The following ARID5B variants were observed in gnomAD, a reference collection of about 807,000 sequenced individuals.
ARID5B encodes AT-rich interaction domain 5B.
Under a neutral mutation model 97.2 loss-of-function variants are expected in ARID5B, and 13 were observed. The observed-to-expected ratio is 0.13, with a 90% confidence interval of 0.09 to 0.21. The LOEUF (loss-of-function observed/expected upper bound fraction) is 0.21. Ranked by LOEUF, ARID5B falls within the 10% of genes least tolerant of loss-of-function variation. The probability of loss-of-function intolerance (pLI) is 1.00; values close to 1 mark genes in which losing one functional copy is unlikely to be tolerated. For missense variants in ARID5B, 1,210 were observed against 1,465.3 expected (o/e 0.83, Z 2.84); for synonymous variants, 556 against 570.3 (o/e 0.97, Z 0.36).
In ARID5B at chr10:62,000,221, G is replaced by A; in HGVS notation, c.633G>A (p.Gly211=). 4 of 1,613,992 alleles carry A rather than the reference G, an allele frequency of 2.5e-6. No individual in the cohort carries two copies. Among genetic ancestry groups the A allele is most frequent in the East Asian group, 4.5e-5 (2 of 44,850 alleles). The change falls in exon 4 of 10, where the codon GGG becomes GGA. Residue 211 remains glycine, a synonymous_variant. Coordinates refer to ENST00000279873, the MANE Select transcript of ARID5B (RefSeq NM_032199.3). This position sits in a 1 kb window ranked among gnomAD's most constrained non-coding sequence, Gnocchi z 4.4. Reference sequence around the variant, plus strand: ...CGGACCAGTTTGCATTGGCCCTGGGGGGCATTGCAGTGGTCAGCAGGAACC... The same window carrying A: ...CGGACCAGTTTGCATTGGCCCTGGGAGGCATTGCAGTGGTCAGCAGGAACC... ...ILTDQFALAL[G]GIAVVSRNPQ...
intron 4 of ARID5B, among the ~76,000 whole-genome samples, chr10:62,025,801 G>A (rs1296154342): frequency 1.4e-5 from 2 of 143,718 alleles, no homozygotes; most frequent in East Asian, 4.0e-4. Flanking sequence ...GCCAGAGGTG[G>A]AGTGGAAGCG....
chr10:62,087,750 T>C (rs544232341), intron 9 of ARID5B, among the ~76,000 whole-genome samples: 1 of 152,150 alleles, frequency 6.6e-6, no homozygotes, highest in Non-Finnish European at 1.5e-5. Flanking sequence ...GACTCTTACA[T>C]AAGAAAATAG....
At chr10:61,945,300 C>A (rs1589229495) in intron 3 of ARID5B, among the ~76,000 whole-genome samples, 1 of 151,750 alleles carries the variant, frequency 6.6e-6, no homozygotes, top group East Asian at 1.9e-4. Context: ...AGAGAAATAA[C>A]TTTTATTAAT....
chr10:62,063,307 G>A (rs1839945458), intron 7 of ARID5B, among the ~76,000 whole-genome samples: 1 of 152,174 alleles, frequency 6.6e-6, no homozygotes, highest in African/African-American at 2.4e-5. Context: ...AAAACTGCAA[G>A]TATAAAAGCT....
At chr10:62,089,166 G>A (rs933310248) in intron 9 of ARID5B, among the ~76,000 whole-genome samples, 1 of 151,910 alleles carries the variant, frequency 6.6e-6, no homozygotes, top group Non-Finnish European at 1.5e-5. Flanking sequence ...TTATTTTTGT[G>A]TCATGTATAA....
intron 8 of ARID5B, among the ~76,000 whole-genome samples, chr10:62,072,654 G>A (rs775621491): frequency 1.3e-5 from 2 of 152,168 alleles, no homozygotes; most frequent in South Asian, 4.1e-4. Context: ...CCTTTCCTTG[G>A]TATTTCCTTT....
chr10:61,996,506 C>T (rs999529792), intron 3 of ARID5B, among the ~76,000 whole-genome samples: 6 of 151,828 alleles, frequency 4.0e-5, no homozygotes, highest in African/African-American at 1.5e-4. Context: ...GCCTGAAGAA[C>T]AGAGAGAGGC....
chr10:62,003,431 C>T (rs1208661771), intron 4 of ARID5B, among the ~76,000 whole-genome samples: 2 of 152,124 alleles, frequency 1.3e-5, no homozygotes, highest in African/African-American at 4.8e-5. Context: ...AGATAGGGAG[C>T]AGGTTAATAA....
intron 7 of ARID5B, among the ~76,000 whole-genome samples, chr10:62,066,122 A>G (rs1839985319): frequency 6.6e-6 from 1 of 152,228 alleles, no homozygotes; most frequent in African/African-American, 2.4e-5. Flanking sequence ...AATAAAAACT[A>G]TAAGCAAGTA....
intron 2 of ARID5B, among the ~76,000 whole-genome samples, chr10:61,912,553 GTATACTT>G (rs1454816519): frequency 3.3e-5 from 5 of 151,446 alleles, no homozygotes; most frequent in African/African-American, 4.9e-5. Context: ...CCATCATATT[GTATACTT>G]TAATGTATAC....
At chr10:61,971,726 A>T (rs1177979855) in intron 3 of ARID5B, among the ~76,000 whole-genome samples, 1 of 152,146 alleles carries the variant, frequency 6.6e-6, no homozygotes, top group Admixed American at 6.5e-5. Context: ...TTAAATTTTT[A>T]AATGTTTTGT....
chr10:62,003,115 C>A (rs140026059), intron 4 of ARID5B, among the ~76,000 whole-genome samples: 8 of 152,244 alleles, frequency 5.3e-5, no homozygotes, highest in African/African-American at 1.7e-4. Flanking sequence ...AACTAATATA[C>A]TTTTTGCTTT....
intron 6 of ARID5B, among the ~76,000 whole-genome samples, chr10:62,058,893 C>A (rs917022753): frequency 6.6e-6 from 1 of 152,146 alleles, no homozygotes; most frequent in East Asian, 1.9e-4. Flanking sequence ...GTCTAAGGGT[C>A]GAACAAGACC....
At chr10:61,999,327 A>G (rs1839044468) in intron 3 of ARID5B, among the ~76,000 whole-genome samples, 1 of 152,194 alleles carries the variant, frequency 6.6e-6, no homozygotes, top group Non-Finnish European at 1.5e-5. Context: ...CAACAAACCA[A>G]TTGTAAGCTG....
At chr10:61,980,933 C>T (rs138044820) in intron 3 of ARID5B, among the ~76,000 whole-genome samples, 93 of 152,324 alleles carry the variant, frequency 6.1e-4, no homozygotes, top group African/African-American at 1.7e-3. Flanking sequence ...CACTGCCTTG[C>T]GTCTGTTCTC....
Position 61,986,197 on chromosome 10 carries a change from T to C in ARID5B, c.503-13894T>C, listed in dbSNP as rs1290280257. On this transcript the variant is annotated intron_variant, in intron 3 of 9. Coordinates refer to ENST00000279873, the MANE Select transcript of ARID5B (RefSeq NM_032199.3). ...AGTGCCAGGCAACTTGCCCCTGCCATTAGCTGGATGACCTTGGGCAAGTCA... is the reference window on the plus strand; with the variant it reads ...AGTGCCAGGCAACTTGCCCCTGCCACTAGCTGGATGACCTTGGGCAAGTCA... Among the ~76,000 whole-genome samples, 5 of 152,110 alleles carry C rather than the reference T, an allele frequency of 3.3e-5. No individual in the cohort carries two copies. In the East Asian group the frequency reaches 7.7e-4, roughly 23 times the overall value.
intron 5 of ARID5B, 53 bp downstream of exon 5, chr10:62,051,053 T>A (rs1183119992): frequency 5.5e-6 from 8 of 1,460,328 alleles, no homozygotes; most frequent in Non-Finnish European, 7.7e-6. Flanking sequence ...TTATTTTTGC[T>A]TTTTCTCTTT....
rs577961693 is a variant in ARID5B at position 62,082,198 on chromosome 10, A to AT, written c.1200-3498dup. Among the ~76,000 whole-genome samples the AT allele has an allele frequency of 1.4e-4, 22 of 152,260 alleles. No homozygotes were observed. In the South Asian group the frequency reaches 4.6e-3, roughly 32 times the overall value. On this transcript the variant is annotated intron_variant, in intron 8 of 9. Transcript: ENST00000279873. ...AATCTTATGCCTATGGAAAGATGTT[A>AT]TTTTTTAATACATAATGGCTTACCT... is the stretch of plus-strand genomic sequence containing the variant.
Position 62,092,170 on chromosome 10 carries a change from G to A in ARID5B, c.2707G>A (p.Asp903Asn). The part of the protein sequence containing the change: ...KSAAAEAPTD[D>N]QPTDLSLPKN... ...GGCGGCAGCAGAAGCCCCTACGGAT[G>A]ATCAGCCTACAGATCTGAGCCTTCC... The change falls in exon 10 of 10, where the codon GAT (aspartate) becomes AAT (asparagine). Residue 903 changes from aspartate to asparagine, a missense_variant. Coordinates refer to ENST00000279873, the MANE Select transcript of ARID5B (RefSeq NM_032199.3). The A allele has an allele frequency of 1.9e-6, 3 of 1,609,126 alleles. No individual in the cohort carries two copies. The highest frequency in any genetic ancestry group is 2.5e-6 in the Non-Finnish European group (3 of 1,178,062).
Sources: allele counts gnomAD v4.1 joint callset (sites outside exome capture counted in the v4.1 genomes callset), GRCh38; gene constraint gnomAD v4.1.1; non-coding constraint Gnocchi (gnomAD v3.1); transcripts MANE v1.5; gene names NCBI Gene and HGNC (gene_info 2026-07-23, HGNC 2026-07-21).